Variants in GDAP1L1 observed in about 807,000 individuals in gnomAD.
The protein encoded by GDAP1L1 is ganglioside induced differentiation associated protein 1 like 1.
In GDAP1L1, 21 loss-of-function variants were observed where a neutral mutation model predicts 37.1. That is an observed-to-expected ratio of 0.57 (90% CI 0.40 to 0.81). The LOEUF is 0.81. Among genes scored for constraint, GDAP1L1 ranks in the 40% least tolerant of loss-of-function variants. The pLI is 0.00. For missense variants in GDAP1L1, 362 were observed against 491.6 expected (o/e 0.74, Z 2.49); for synonymous variants, 193 against 209.1 (o/e 0.92, Z 0.67).
chr20:44,261,291 C>T (rs539530204), intron 3 of GDAP1L1, among the ~76,000 whole-genome samples: 106 of 141,340 alleles, frequency 7.5e-4, no homozygotes, highest in African/African-American at 2.8e-3. Context: ...CTGGGTGACA[C>T]GCAAGAAAGA....
intron 5 of GDAP1L1, among the ~76,000 whole-genome samples, chr20:44,276,406 AAAAGAAAAAG>A (rs1317756590): frequency 1.8e-5 from 2 of 108,678 alleles, no homozygotes; most frequent in African/African-American, 3.6e-5. Flanking sequence ...AGGGAAAGAA[AAAAGAAAAAG>A]AAAGAAAGAA....
chr20:44,267,160 T>C (rs1173918452), intron 5 of GDAP1L1, among the ~76,000 whole-genome samples: 1 of 152,184 alleles, frequency 6.6e-6, no homozygotes, highest in Non-Finnish European at 1.5e-5. Flanking sequence ...GAGCTTACTG[T>C]GTGTCAGGCC....
intron 3 of GDAP1L1, among the ~76,000 whole-genome samples, chr20:44,262,855 T>C (rs771367083): frequency 3.3e-5 from 5 of 151,952 alleles, no homozygotes; most frequent in African/African-American, 4.8e-5. Context: ...TAGCTGGGAC[T>C]ATGGTGTGCA....
In GDAP1L1 at chr20:44,280,905, G is replaced by A. The variant is rs1024961303; in HGVS notation, c.*1605G>A. The A allele has an allele frequency of 1.3e-5, 2 of 152,162 alleles. No homozygotes were observed. Among genetic ancestry groups the A allele is most frequent in the Non-Finnish European group, 1.5e-5 (1 of 68,024 alleles). 9.4% of individuals were successfully genotyped at this position (152,162 alleles called of 1,614,324 possible). A position where few individuals can be genotyped will look rare whatever the true frequency, so the allele number is the denominator to read the frequency against. On this transcript the variant is annotated 3_prime_UTR_variant, in exon 6 of 6. Transcript: ENST00000342560. ...CAGGAGTATAATGTGTAGAATATAAGGCATGGTTTTACTTATTTTGCAATA... is the reference window on the plus strand; with the variant it reads ...CAGGAGTATAATGTGTAGAATATAAAGCATGGTTTTACTTATTTTGCAATA...
At position 44,267,827 on chromosome 20, in the gene GDAP1L1, C is replaced by G. The variant is rs571228717; in HGVS notation, c.760+3268C>G. On this transcript the variant is annotated intron_variant, in intron 5 of 5. Coordinates refer to ENST00000342560, the MANE Select transcript of GDAP1L1 (RefSeq NM_024034.6). Reference sequence around the variant, plus strand: ...GTTCTGGAGAATAGCCTCAGACATGCATTCCTTGTGGGATTCCTAGGCTGG... The same window carrying G: ...GTTCTGGAGAATAGCCTCAGACATGGATTCCTTGTGGGATTCCTAGGCTGG... Among the ~76,000 whole-genome samples, 7 of 152,244 alleles carry G rather than the reference C, an allele frequency of 4.6e-5. No homozygotes were observed. The South Asian group carries it at 1.5e-3, about 32-fold the overall frequency.
intron 1 of GDAP1L1, among the ~76,000 whole-genome samples, chr20:44,256,114 T>A (rs1356909413): frequency 6.6e-6 from 1 of 152,190 alleles, no homozygotes; most frequent in Non-Finnish European, 1.5e-5. Flanking sequence ...TCAAGAACCT[T>A]GCTTCCAGTT....
At chr20:44,251,636 G>C (rs1054008692) in intron 1 of GDAP1L1, among the ~76,000 whole-genome samples, 1 of 152,196 alleles carries the variant, frequency 6.6e-6, no homozygotes, top group East Asian at 1.9e-4. Context: ...GCAGCAACGA[G>C]ATGCATCTCC....
At chr20:44,260,909 C>G (rs1406153137) in intron 3 of GDAP1L1, among the ~76,000 whole-genome samples, 2 of 152,208 alleles carry the variant, frequency 1.3e-5, no homozygotes, top group Admixed American at 6.5e-5. Context: ...ACGAAGATCT[C>G]TCCTCTGAGG....
chr20:44,276,467 A>AGAAAGAAAG (rs1555801146), intron 5 of GDAP1L1, among the ~76,000 whole-genome samples: 1 of 139,002 alleles, frequency 7.2e-6, no homozygotes, highest in African/African-American at 2.7e-5. Context: ...AAAGAAAGAA[A>AGAAAGAAAG]AAGAAAGGCA....
chr20:44,276,701 C>T (rs1299346161), intron 5 of GDAP1L1, among the ~76,000 whole-genome samples: 2 of 146,080 alleles, frequency 1.4e-5, no homozygotes, highest in African/African-American at 5.2e-5. Flanking sequence ...ATTTATTGAG[C>T]ACCTATTGTA....
At chr20:44,264,349 G>A (rs1335101264) in intron 4 of GDAP1L1, 96 bp from the exon 5 acceptor site, 2 of 1,329,848 alleles carry the variant, frequency 1.5e-6, no homozygotes, top group East Asian at 5.7e-5. Context: ...TGGAGGCTGG[G>A]TTTGCAGAAG....
chr20:44,271,838 G>A (rs1360399867), intron 5 of GDAP1L1, among the ~76,000 whole-genome samples: 1 of 152,140 alleles, frequency 6.6e-6, no homozygotes, highest in Admixed American at 6.6e-5. Context: ...TTCAAACAGG[G>A]GAAATGGAAG....
At chr20:44,277,769 G>T (rs2062598784) in intron 5 of GDAP1L1, among the ~76,000 whole-genome samples, 1 of 152,240 alleles carries the variant, frequency 6.6e-6, no homozygotes, top group South Asian at 2.1e-4. Flanking sequence ...GGTACAAGTA[G>T]AGGCAGTATC....
chr20:44,262,742 G>A (rs546891248), intron 3 of GDAP1L1, among the ~76,000 whole-genome samples: 1 of 151,652 alleles, frequency 6.6e-6, no homozygotes, highest in African/African-American at 2.4e-5. Flanking sequence ...TTAGAGTAAG[G>A]GTCTCACTCT....
At position 44,279,229 on chromosome 20, in the gene GDAP1L1, T is replaced by C; in HGVS notation, c.1033T>C (p.Ser345Pro). The change falls in exon 6 of 6, where the codon TCC becomes CCC. Residue 345 changes from serine (S) to proline (P), a missense_variant. Coordinates refer to ENST00000342560, the MANE Select transcript of GDAP1L1 (RefSeq NM_024034.6). ...KRKPPSFFGA[S>P]FLMGSLGGMG... ...GAAACCCCCATCCTTCTTCGGGGCG[T>C]CCTTCCTCATGGGCTCCCTGGGTGG... is the stretch of plus-strand genomic sequence containing the variant. 6.2e-7 allele frequency: 1 copy of C among 1,614,076 alleles called. No individual in the cohort carries two copies. The highest frequency in any genetic ancestry group is 8.5e-7 in the Non-Finnish European group (1 of 1,179,996).
intron 1 of GDAP1L1, among the ~76,000 whole-genome samples, chr20:44,250,120 A>G (rs1353295418): frequency 6.6e-6 from 1 of 152,194 alleles, no homozygotes. Context: ...TTAATGGCAC[A>G]TGAAATATGA....
chr20:44,260,726 G>A (rs1415732624), intron 3 of GDAP1L1, among the ~76,000 whole-genome samples: 2 of 152,134 alleles, frequency 1.3e-5, no homozygotes, highest in Admixed American at 1.3e-4. Flanking sequence ...GTAGGACAGG[G>A]TGTATTGTTT....
At chr20:44,263,157 A>G (rs1244767817) in intron 3 of GDAP1L1, 73 bp from the exon 4 acceptor site, 3 of 1,135,996 alleles carry the variant, frequency 2.6e-6, no homozygotes, top group African/African-American at 1.5e-5. Flanking sequence ...GCCTACTTCA[A>G]GTTGTGTAAG....
At chr20:44,270,689 T>C (rs1568656726) in intron 5 of GDAP1L1, among the ~76,000 whole-genome samples, 1 of 152,222 alleles carries the variant, frequency 6.6e-6, no homozygotes, top group East Asian at 1.9e-4. Context: ...CTCTATCCCC[T>C]GCTGGCTGTC....
Sources: allele counts gnomAD v4.1 joint callset (sites outside exome capture counted in the v4.1 genomes callset), GRCh38; gene constraint gnomAD v4.1.1; transcripts MANE v1.5; gene names NCBI Gene and HGNC (gene_info 2026-07-23, HGNC 2026-07-21).